The following MAP7 variants were observed in gnomAD, a reference collection of about 807,000 sequenced individuals.
MAP7 encodes ensconsin.
MAP7 carries 52 observed loss-of-function variants against 94.8 expected under a neutral mutation model. The observed-to-expected ratio is 0.55, with a 90% CI of 0.44 to 0.69. The LOEUF is 0.69. Ranked by LOEUF, MAP7 falls within the 30% of genes least tolerant of loss-of-function variation. The probability of loss-of-function intolerance (pLI) is 0.00; values close to 1 mark genes in which losing one functional copy is unlikely to be tolerated. For missense variants in MAP7, 940 were observed against 964.6 expected (o/e 0.97, Z 0.34); for synonymous variants, 350 against 357.0 (o/e 0.98, Z 0.22).
At chr6:136,451,520 G>T (rs1335578118) in intron 1 of MAP7, among the ~76,000 whole-genome samples, 1 of 152,200 alleles carries the variant, frequency 6.6e-6, no homozygotes, top group African/African-American at 2.4e-5. Context: ...GATGAATGTT[G>T]TTTTCACGCC....
chr6:136,413,682 G>A (rs1788250940), intron 2 of MAP7, among the ~76,000 whole-genome samples: 1 of 152,024 alleles, frequency 6.6e-6, no homozygotes, highest in African/African-American at 2.4e-5. Context: ...CACGATCATG[G>A]CTTACTGCAG....
rs1253965832 is a variant in MAP7 at position 136,548,099 on chromosome 6, C to A, written c.67+2243G>T. Among the ~76,000 whole-genome samples, 16 of 109,930 alleles carry A rather than the reference C, an allele frequency of 1.5e-4. No individual in the cohort carries two copies. In the East Asian group the frequency reaches 3.3e-3, roughly 23 times the overall value. The allele number at this position is 109,930 out of a possible 152,430, so 72.1% of individuals were successfully genotyped here. A position where few individuals can be genotyped will look rare whatever the true frequency, so the allele number is the denominator to read the frequency against. On this transcript the variant is annotated intron_variant, in intron 1 of 17. Transcript: ENST00000354570. ...GTCCACGGCCACCCACCACCACCAC[C>A]CCCCCCCACCCCCCCAACAATTCCA...
At chr6:136,508,180 C>T (rs926252617) in intron 1 of MAP7, among the ~76,000 whole-genome samples, 9 of 152,068 alleles carry the variant, frequency 5.9e-5, no homozygotes, top group African/African-American at 7.2e-5. Context: ...CGAAAATTAG[C>T]GGGGCATGGT....
intron 16 of MAP7, among the ~76,000 whole-genome samples, chr6:136,356,024 C>T (rs534008499): frequency 8.5e-5 from 13 of 152,300 alleles, no homozygotes; most frequent in African/African-American, 2.9e-4. Context: ...CTGACATCTA[C>T]ATGACTTTTA....
At chr6:136,421,088 G>A (rs923408211) in intron 2 of MAP7, among the ~76,000 whole-genome samples, 1 of 152,058 alleles carries the variant, frequency 6.6e-6, no homozygotes, top group Non-Finnish European at 1.5e-5. Flanking sequence ...CTGCACTGTC[G>A]GTTCAATTGT....
chr6:136,502,040 T>G (rs1269085272), intron 1 of MAP7, among the ~76,000 whole-genome samples: 1 of 152,200 alleles, frequency 6.6e-6, no homozygotes, highest in African/African-American at 2.4e-5. Context: ...TGAGATGCCT[T>G]TTTGTGCATT....
At chr6:136,455,806 T>C (rs1032856957) in intron 1 of MAP7, among the ~76,000 whole-genome samples, 7 of 152,164 alleles carry the variant, frequency 4.6e-5, no homozygotes, top group African/African-American at 1.7e-4. Flanking sequence ...AGACTCAATA[T>C]GAAGCTCTAA....
At chr6:136,523,512 T>G (rs1826999665) in intron 1 of MAP7, among the ~76,000 whole-genome samples, 1 of 152,260 alleles carries the variant, frequency 6.6e-6, no homozygotes, top group Non-Finnish European at 1.5e-5. Flanking sequence ...AAAGCTGGAC[T>G]ACAAAGTGAA....
chr6:136,443,162 A>G (rs1798351221), intron 1 of MAP7, among the ~76,000 whole-genome samples: 1 of 152,186 alleles, frequency 6.6e-6, no homozygotes, highest in Non-Finnish European at 1.5e-5. Context: ...AATCAGTTCA[A>G]ACCACCTTTT....
intron 1 of MAP7, among the ~76,000 whole-genome samples, chr6:136,504,128 A>G (rs1562469131): frequency 6.6e-6 from 1 of 152,160 alleles, no homozygotes; most frequent in Admixed American, 6.5e-5. Context: ...AATATGACAT[A>G]ATTTATGTCA....
chr6:136,549,010 T>C (rs751514787), intron 1 of MAP7, among the ~76,000 whole-genome samples: 1 of 152,208 alleles, frequency 6.6e-6, no homozygotes, highest in Non-Finnish European at 1.5e-5. Context: ...ACAAACTCCC[T>C]ACAGGAAGGA....
intron 2 of MAP7, among the ~76,000 whole-genome samples, chr6:136,420,886 T>G (rs1791125392): frequency 6.6e-6 from 1 of 152,210 alleles, no homozygotes; most frequent in Non-Finnish European, 1.5e-5. Context: ...GTTATTTCCA[T>G]CTTTATTCTC....
At chr6:136,400,587 C>A (rs1055835833) in intron 3 of MAP7, among the ~76,000 whole-genome samples, 7 of 152,050 alleles carry the variant, frequency 4.6e-5, no homozygotes, top group Non-Finnish European at 8.8e-5. Flanking sequence ...AAATAATGAG[C>A]AAATGGCTAT....
chr6:136,376,956 A>G (rs1483677981), intron 7 of MAP7, among the ~76,000 whole-genome samples: 1 of 152,232 alleles, frequency 6.6e-6, no homozygotes, highest in Non-Finnish European at 1.5e-5. Context: ...GTTTATATAA[A>G]TACACCAATT....
chr6:136,396,801 A>G (rs922930561), intron 3 of MAP7, among the ~76,000 whole-genome samples: 1 of 152,230 alleles, frequency 6.6e-6, no homozygotes, highest in Non-Finnish European at 1.5e-5. Context: ...TAACAAAATA[A>G]TTACACATAA....
chr6:136,402,467 G>A lies in MAP7; in HGVS notation c.244+9153C>T, dbSNP rs567520589. 3.9e-5 allele frequency among the ~76,000 whole-genome samples: 6 copies of A among 152,264 alleles called. 1 individual carries two copies. In the East Asian group the frequency reaches 5.8e-4, roughly 15 times the overall value. On this transcript the variant is annotated intron_variant, in intron 3 of 17. Transcript: ENST00000354570. ...TGACCTTGGAGGATCCCCACAACAC[G>A]GTGCTCCTGCACAGAGGGTCCTTCC... is the stretch of plus-strand genomic sequence containing the variant.
intron 1 of MAP7, among the ~76,000 whole-genome samples, chr6:136,521,753 G>A (rs1826472241): frequency 2.0e-5 from 3 of 152,104 alleles, no homozygotes; most frequent in South Asian, 4.1e-4. Context: ...CGCCTTTAAG[G>A]TCTGTGTGAG....
chr6:136,474,280 T>G (rs1203388786), intron 1 of MAP7, among the ~76,000 whole-genome samples: 4 of 151,588 alleles, frequency 2.6e-5, no homozygotes, highest in African/African-American at 4.9e-5. Context: ...AGGAGAAGAG[T>G]GCCAAAATCT....
intron 2 of MAP7, among the ~76,000 whole-genome samples, chr6:136,417,975 G>T (rs1790058206): frequency 1.3e-5 from 2 of 152,160 alleles, no homozygotes; most frequent in Admixed American, 6.5e-5. Flanking sequence ...ATGAAAACAC[G>T]CAGTTTTCTA....
Sources: allele counts gnomAD v4.1 joint callset (sites outside exome capture counted in the v4.1 genomes callset), GRCh38; gene constraint gnomAD v4.1.1; transcripts MANE v1.5; gene names NCBI Gene and HGNC (gene_info 2026-07-23, HGNC 2026-07-21).